PRELID2: variants seen among roughly 807,000 people sequenced by gnomAD.
PRELID2 encodes the protein PRELI domain containing 2, also known as PRELI domain-containing protein 2.
PRELID2 carries 25 observed loss-of-function variants against 28.4 expected under a neutral mutation model. That is an observed-to-expected ratio of 0.88 (90% CI 0.64 to 1.23). The LOEUF is 1.23. PRELID2 is among the 50% of genes most tolerant of loss of function. The probability of loss-of-function intolerance (pLI) is 0.00; values close to 1 mark genes in which losing one functional copy is unlikely to be tolerated. For synonymous variants in PRELID2, 76 were observed against 71.6 expected (o/e 1.06, Z -0.31); for missense variants, 201 against 214.4 (o/e 0.94, Z 0.39).
At chr5:145,321,127 T>C in the PRELID2 span, among the ~76,000 whole-genome samples, 1 of 152,166 alleles carries the variant, frequency 6.6e-6, no homozygotes, top group Non-Finnish European at 1.5e-5. Flanking sequence ...ACCATTATTA[T>C]CTCCCTTTAA....
chr5:145,697,032 ATTAT>A (rs1363494619), intron 1 of PRELID2, among the ~76,000 whole-genome samples: 1 of 80,234 alleles, frequency 1.2e-5, no homozygotes, highest in Non-Finnish European at 2.5e-5. Flanking sequence ...AGAGAGGAAA[ATTAT>A]ATATATATAT....
intron 1 of PRELID2, among the ~76,000 whole-genome samples, chr5:145,613,599 A>G (rs566698030): frequency 6.5e-4 from 99 of 152,080 alleles, no homozygotes; most frequent in Middle Eastern, 3.4e-3. Context: ...CACAGGTGGG[A>G]ATTCAACAAT....
the PRELID2 span, among the ~76,000 whole-genome samples, chr5:145,451,894 C>T: frequency 1.4e-4 from 21 of 152,168 alleles, no homozygotes; most frequent in African/African-American, 4.8e-4. Flanking sequence ...GGTAAGGGGC[C>T]GGGAGAATAA....
chr5:145,757,151 C>T lies in PRELID2; in HGVS notation c.*3385G>A, dbSNP rs149748106. On this transcript the variant is annotated 3_prime_UTR_variant, in exon 7 of 7. Coordinates refer to ENST00000683046, the MANE Select transcript of PRELID2 (RefSeq NM_205846.3). ...CTTGAGTTTTCTACACCATGCACCG[C>T]ACAATGTCTGATAAACAAGTATCAG... 1.3e-5 allele frequency among the ~76,000 whole-genome samples: 2 copies of T among 152,266 alleles called. No individual in the cohort carries two copies. The highest frequency in any genetic ancestry group is 1.3e-4 in the Admixed American group (2 of 15,296).
chr5:145,461,941 G>C, the PRELID2 span, among the ~76,000 whole-genome samples: 1 of 152,180 alleles, frequency 6.6e-6, no homozygotes, highest in Non-Finnish European at 1.5e-5. Flanking sequence ...TGCAGCATGA[G>C]TAAAAAATAA....
intron 1 of PRELID2, among the ~76,000 whole-genome samples, chr5:145,726,305 A>AAG (rs796443528): frequency 0.056 from 8,200 of 147,298 alleles, 402 homozygotes; most frequent in African/African-American, 0.14. Context: ...AAGAAAAAGA[A>AAG]AGAGAGAGAG....
chr5:145,353,576 A>G, the PRELID2 span, among the ~76,000 whole-genome samples: 1 of 152,200 alleles, frequency 6.6e-6, no homozygotes, highest in African/African-American at 2.4e-5. Context: ...GGGAACTTAC[A>G]ATCATGGTGG....
chr5:145,792,261 T>C (rs1018546832), intron 5 of PRELID2, among the ~76,000 whole-genome samples: 1 of 152,176 alleles, frequency 6.6e-6, no homozygotes, highest in Non-Finnish European at 1.5e-5. Flanking sequence ...TTCTGTGACC[T>C]TGAGAAAACT....
intron 1 of PRELID2, among the ~76,000 whole-genome samples, chr5:145,617,721 T>C (rs1008847972): frequency 6.7e-5 from 10 of 149,992 alleles, no homozygotes; most frequent in Admixed American, 5.4e-4. Context: ...GGTTGTTTTT[T>C]CTTTTCTTTC....
the PRELID2 span, among the ~76,000 whole-genome samples, chr5:145,314,752 T>C: frequency 3.9e-5 from 6 of 152,094 alleles, no homozygotes; most frequent in African/African-American, 1.4e-4. Context: ...AAGGTCAAGT[T>C]TTCTATATAA....
At chr5:145,647,634 C>T (rs1157341441) in intron 1 of PRELID2, among the ~76,000 whole-genome samples, 1 of 152,188 alleles carries the variant, frequency 6.6e-6, no homozygotes, top group Non-Finnish European at 1.5e-5. Context: ...AATGGCTGCC[C>T]AGTTTTGTGC....
At chr5:145,789,560 G>A (rs1752230600) in intron 5 of PRELID2, among the ~76,000 whole-genome samples, 1 of 152,102 alleles carries the variant, frequency 6.6e-6, no homozygotes, top group South Asian at 2.1e-4. Context: ...GGAAATACAA[G>A]GGAAAAAATC....
At chr5:145,425,344 T>C in the PRELID2 span, among the ~76,000 whole-genome samples, 1 of 152,208 alleles carries the variant, frequency 6.6e-6, no homozygotes, top group Non-Finnish European at 1.5e-5. Flanking sequence ...GAAGACAGTA[T>C]GGTGATTCCT....
the PRELID2 span, among the ~76,000 whole-genome samples, chr5:145,336,334 A>C: frequency 6.6e-6 from 1 of 151,436 alleles, no homozygotes; most frequent in Non-Finnish European, 1.5e-5. Context: ...TGTTTTAGAC[A>C]TGAAGTCCTT....
chr5:145,272,324 AG>A, the PRELID2 span, among the ~76,000 whole-genome samples: 1 of 152,170 alleles, frequency 6.6e-6, no homozygotes, highest in Non-Finnish European at 1.5e-5. Flanking sequence ...ATTAAACCAA[AG>A]GTAAACTCAG....
chr5:145,742,046 T>C (rs1477436770), intron 1 of PRELID2, among the ~76,000 whole-genome samples: 1 of 126,240 alleles, frequency 7.9e-6, no homozygotes, highest in South Asian at 2.3e-4. Flanking sequence ...TAATAATAAA[T>C]AAATTTTATT....
the PRELID2 span, among the ~76,000 whole-genome samples, chr5:145,244,062 T>TCC: frequency 2.0e-5 from 3 of 152,062 alleles, no homozygotes; most frequent in Admixed American, 2.0e-4. Flanking sequence ...CAAGCAATTC[T>TCC]CCTGCCTCAG....
At chr5:145,632,031 A>G (rs1346189846) in intron 1 of PRELID2, among the ~76,000 whole-genome samples, 1 of 152,158 alleles carries the variant, frequency 6.6e-6, no homozygotes, top group Non-Finnish European at 1.5e-5. Context: ...ATCCACTATT[A>G]AGGGGAATGC....
chr5:145,675,424 G>T (rs1169317916), intron 1 of PRELID2, among the ~76,000 whole-genome samples: 1 of 152,100 alleles, frequency 6.6e-6, no homozygotes, highest in Non-Finnish European at 1.5e-5. Context: ...CTCATACACC[G>T]CTGGTACAAA....
Sources: allele counts gnomAD v4.1 joint callset (sites outside exome capture counted in the v4.1 genomes callset), GRCh38; gene constraint gnomAD v4.1.1; transcripts MANE v1.5; gene names NCBI Gene and HGNC (gene_info 2026-07-23, HGNC 2026-07-21).